Variants in GFRA1 observed in about 807,000 individuals in gnomAD.
GFRA1 encodes GDNF family receptor alpha 1.
A neutral mutation model predicts 51.6 loss-of-function variants in GFRA1; 16 were observed. That is an observed-to-expected ratio of 0.31 (90% CI 0.21 to 0.47). GFRA1 has a LOEUF of 0.47. GFRA1 is among the 20% of genes least tolerant of loss of function. The pLI is 1.00. For synonymous variants in GFRA1, 270 were observed against 241.3 expected (o/e 1.12, Z -1.10); for missense variants, 530 against 594.3 (o/e 0.89, Z 1.13).
intron 5 of GFRA1, among the ~76,000 whole-genome samples, chr10:116,147,188 G>C (rs1010566551): frequency 6.6e-6 from 1 of 152,164 alleles, no homozygotes; most frequent in Non-Finnish European, 1.5e-5. Flanking sequence ...TAGAAAAAGA[G>C]ATAGAAACAG....
At chr10:116,230,593 A>G (rs1400141967) in intron 4 of GFRA1, among the ~76,000 whole-genome samples, 1 of 151,940 alleles carries the variant, frequency 6.6e-6, no homozygotes, top group Non-Finnish European at 1.5e-5. Flanking sequence ...AAGAGTTCTC[A>G]ATGATATAAA....
intron 3 of GFRA1, among the ~76,000 whole-genome samples, chr10:116,270,587 G>A (rs749724978): frequency 6.6e-6 from 1 of 152,128 alleles, no homozygotes; most frequent in East Asian, 1.9e-4. Context: ...GCGGGGTCCC[G>A]GGGGTGGCCC....
At chr10:116,178,098 A>C (rs1173359645) in intron 5 of GFRA1, among the ~76,000 whole-genome samples, 4 of 152,226 alleles carry the variant, frequency 2.6e-5, no homozygotes, top group African/African-American at 9.6e-5. Flanking sequence ...CACTTTGAAA[A>C]GCAGAGGACA....
rs1844042510 is a variant in GFRA1, at chr10:116,272,593, C to T, written c.-246-318G>A. The T allele has an allele frequency of 6.5e-6, 1 of 152,718 alleles. No individual in the cohort carries two copies. The highest frequency in any genetic ancestry group is 2.1e-4 in the South Asian group (1 of 4,870). The allele number at this position is 152,718 out of a possible 1,614,324, so 9.5% of individuals were successfully genotyped here. On this transcript the variant is annotated intron_variant, in intron 1 of 10. Coordinates refer to ENST00000355422, the MANE Select transcript of GFRA1 (RefSeq NM_005264.8). The surrounding 1 kb of genome is among the most constrained non-coding windows in gnomAD (Gnocchi z 4.4). ...GCGTCGCGAGCGGAGCCTGCAGCTG[C>T]CTGGAGTCCGAGCCCTCGGTGGCGG...
Position 116,264,043 on chromosome 10 carries a change from T to G in GFRA1, c.418+5460A>C, listed in dbSNP as rs1332919008. Among the ~76,000 whole-genome samples, 3 of 152,080 alleles carry G rather than the reference T, an allele frequency of 2.0e-5. No individual in the cohort carries two copies. The East Asian group carries it at 5.8e-4, about 29-fold the overall frequency. ...CCATTCTGGACATGCTAAGTTTGAG[T>G]TAACTGAGACACCGCCAGATGGAGT... On this transcript the variant is annotated intron_variant, in intron 4 of 10. Transcript: ENST00000355422.
intron 9 of GFRA1, among the ~76,000 whole-genome samples, chr10:116,081,853 G>T (rs964949655): frequency 6.6e-6 from 1 of 152,112 alleles, no homozygotes; most frequent in Admixed American, 6.5e-5. Context: ...TTTATATATT[G>T]ATTTTAATAT....
intron 5 of GFRA1, among the ~76,000 whole-genome samples, chr10:116,146,135 T>C (rs1474106442): frequency 6.6e-6 from 1 of 152,122 alleles, no homozygotes; most frequent in Non-Finnish European, 1.5e-5. Context: ...TTTTCATACA[T>C]ACGAAGGTAT....
chr10:116,242,598 C>G (rs1253969759), intron 4 of GFRA1, among the ~76,000 whole-genome samples: 1 of 151,958 alleles, frequency 6.6e-6, no homozygotes, highest in Non-Finnish European at 1.5e-5. Context: ...TCTTCTGCCT[C>G]AGCCTCCCAA....
intron 4 of GFRA1, chr10:116,226,747 T>C (rs922403171): frequency 1.9e-5 from 8 of 415,288 alleles, no homozygotes; most frequent in Admixed American, 1.0e-4. Flanking sequence ...CATAATGTAT[T>C]ATAGAACCAG....
intron 6 of GFRA1, 27 bp downstream of exon 6, chr10:116,125,194 A>T (rs375975716): frequency 6.8e-5 from 107 of 1,580,980 alleles, no homozygotes; most frequent in Non-Finnish European, 8.7e-5. Context: ...TCACCTCATT[A>T]ATCACCAGCT....
chr10:116,137,010 T>C (rs1214571139), intron 5 of GFRA1, among the ~76,000 whole-genome samples: 1 of 152,226 alleles, frequency 6.6e-6, no homozygotes, highest in Non-Finnish European at 1.5e-5. Context: ...AGTGTTTCGC[T>C]TCTCAAGGTG....
intron 6 of GFRA1, among the ~76,000 whole-genome samples, chr10:116,121,248 G>A (rs552324265): frequency 1.4e-3 from 217 of 152,230 alleles, no homozygotes; most frequent in Non-Finnish European, 2.2e-3. Context: ...ATCCTTCCAG[G>A]CACTAAGAAA....
At chr10:116,251,911 G>A (rs527266694) in intron 4 of GFRA1, among the ~76,000 whole-genome samples, 73 of 146,634 alleles carry the variant, frequency 5.0e-4, no homozygotes, top group African/African-American at 1.7e-3. Context: ...AGGCTTTGTC[G>A]TCATTCCATG....
chr10:116,212,145 T>TA lies in GFRA1; in HGVS notation c.419-501dup, dbSNP rs1250759724. 3.3e-5 allele frequency among the ~76,000 whole-genome samples: 5 copies of TA among 152,230 alleles called. No individual in the cohort carries two copies. In the East Asian group the frequency reaches 5.8e-4, roughly 18 times the overall value. ...CATGGTCAAAGTGTGTTAGAAAGGT[T>TA]AAAAAAATGAATGTATTTTTTTCAA... On this transcript the variant is annotated intron_variant, in intron 4 of 10. Transcript: ENST00000355422.
intron 6 of GFRA1, among the ~76,000 whole-genome samples, chr10:116,108,882 C>T (rs945019986): frequency 1.3e-5 from 2 of 152,192 alleles, no homozygotes; most frequent in Non-Finnish European, 2.9e-5. Context: ...CTTTAAATAA[C>T]TGTTGAATAA....
chr10:116,209,792 G>A (rs577303013), intron 5 of GFRA1, among the ~76,000 whole-genome samples: 41 of 152,112 alleles, frequency 2.7e-4, no homozygotes, highest in African/African-American at 9.9e-4. Flanking sequence ...TCATAAGCAG[G>A]ATGGCCAGAA....
At chr10:116,214,128 A>C (rs2134456531) in intron 4 of GFRA1, among the ~76,000 whole-genome samples, 1 of 151,922 alleles carries the variant, frequency 6.6e-6, no homozygotes, top group African/African-American at 2.4e-5. Flanking sequence ...TTGCTTCTGG[A>C]ACCCATAGTC....
intron 9 of GFRA1, among the ~76,000 whole-genome samples, chr10:116,088,785 G>C (rs1047341052): frequency 6.6e-6 from 1 of 151,948 alleles, no homozygotes; most frequent in Non-Finnish European, 1.5e-5. Context: ...GCCAGGCGTG[G>C]TGGTGGGCGC....
At chr10:116,119,372 G>A (rs75722971) in intron 6 of GFRA1, among the ~76,000 whole-genome samples, 1,613 of 152,252 alleles carry the variant, frequency 0.011, 28 homozygotes, top group African/African-American at 0.037. Context: ...TCAGCACTCC[G>A]AATGCATTGC....
Sources: allele counts gnomAD v4.1 joint callset (sites outside exome capture counted in the v4.1 genomes callset), GRCh38; gene constraint gnomAD v4.1.1; non-coding constraint Gnocchi (gnomAD v3.1); transcripts MANE v1.5; gene names NCBI Gene and HGNC (gene_info 2026-07-23, HGNC 2026-07-21).